The following SLC35F4 variants were observed in gnomAD, a reference collection of about 807,000 sequenced individuals.
SLC35F4 encodes the protein solute carrier family 35 member F4.
In SLC35F4, 24 loss-of-function variants were observed where a neutral mutation model predicts 44.2. The ratio of observed to expected loss-of-function variants is 0.54; its 90% CI spans 0.39 to 0.76. SLC35F4 has a LOEUF of 0.76. Ranked by LOEUF, SLC35F4 falls within the 30% of genes least tolerant of loss-of-function variation. The pLI, the probability that SLC35F4 is intolerant of heterozygous loss-of-function variation, is 0.00. For synonymous variants in SLC35F4, 238 were observed against 223.6 expected (o/e 1.06, Z -0.57); for missense variants, 562 against 586.1 (o/e 0.96, Z 0.42).
At chr14:57,865,658 C>T (rs1171580072) in intron 1 of SLC35F4, 65 bp downstream of exon 1, 28 of 1,379,594 alleles carry the variant, frequency 2.0e-5, no homozygotes, top group South Asian at 4.0e-5. Flanking sequence ...TCCGCATCCC[C>T]GCGGCACCCC....
intron 6 of SLC35F4, among the ~76,000 whole-genome samples, chr14:57,568,679 G>T (rs891961781): frequency 1.3e-5 from 2 of 152,220 alleles, no homozygotes; most frequent in East Asian, 1.9e-4. Flanking sequence ...ACTCTTGCAG[G>T]GATGAAAATA....
intron 1 of SLC35F4, among the ~76,000 whole-genome samples, chr14:57,848,888 C>T (rs56290990): frequency 0.16 from 24,135 of 152,060 alleles, 2,232 homozygotes; most frequent in African/African-American, 0.24. Flanking sequence ...ATATTGTCCC[C>T]GTGGAACTTG....
At chr14:57,940,106 G>T (rs948317036) in intron 1 of SLC35F4, among the ~76,000 whole-genome samples, 1 of 152,150 alleles carries the variant, frequency 6.6e-6, no homozygotes, top group Admixed American at 6.6e-5. Flanking sequence ...GCTCAGCAAG[G>T]CTCTCATTTT....
chr14:57,647,424 A>G (rs2073582130), intron 1 of SLC35F4, among the ~76,000 whole-genome samples: 1 of 151,638 alleles, frequency 6.6e-6, no homozygotes, highest in Non-Finnish European at 1.5e-5. Flanking sequence ...AAGTCTAACA[A>G]CCTTCAAAAT....
At chr14:57,841,639 G>C (rs1219595639) in intron 1 of SLC35F4, among the ~76,000 whole-genome samples, 1 of 152,178 alleles carries the variant, frequency 6.6e-6, no homozygotes. Context: ...GTGCCCTAAA[G>C]GTAGAGAACT....
chr14:57,666,295 T>C (rs1457386175), intron 1 of SLC35F4, among the ~76,000 whole-genome samples: 1 of 152,194 alleles, frequency 6.6e-6, no homozygotes, highest in East Asian at 1.9e-4. Flanking sequence ...AATCAAATAC[T>C]ATCCAGTTTT....
At chr14:57,715,004 G>C (rs1460861856) in intron 1 of SLC35F4, among the ~76,000 whole-genome samples, 1 of 152,170 alleles carries the variant, frequency 6.6e-6, no homozygotes, top group African/African-American at 2.4e-5. Flanking sequence ...AGGAGTCAAA[G>C]ACTGAGTAGA....
At chr14:57,939,888 T>C (rs1481614701) in intron 1 of SLC35F4, among the ~76,000 whole-genome samples, 1 of 152,224 alleles carries the variant, frequency 6.6e-6, no homozygotes, top group Non-Finnish European at 1.5e-5. Flanking sequence ...TGCTTAGCAA[T>C]GTGCTTCCTG....
At chr14:57,877,192 T>C (rs1888416233) in intron 1 of SLC35F4, among the ~76,000 whole-genome samples, 1 of 152,184 alleles carries the variant, frequency 6.6e-6, no homozygotes, top group Non-Finnish European at 1.5e-5. Flanking sequence ...CCATTGTCTA[T>C]TGTTCTCTTC....
chr14:57,662,235 T>C (rs565370515), intron 1 of SLC35F4, among the ~76,000 whole-genome samples: 117 of 152,258 alleles, frequency 7.7e-4, no homozygotes, highest in Non-Finnish European at 1.5e-3. Context: ...CTAATTATTA[T>C]GGAATGTATT....
intron 1 of SLC35F4, among the ~76,000 whole-genome samples, chr14:57,894,873 T>C (rs1888840814): frequency 1.3e-5 from 2 of 152,146 alleles, no homozygotes; most frequent in South Asian, 2.1e-4. Flanking sequence ...TAGACAAACT[T>C]ACACAGCATC....
intron 1 of SLC35F4, among the ~76,000 whole-genome samples, chr14:57,905,348 C>G (rs1171179199): frequency 3.3e-5 from 5 of 152,200 alleles, no homozygotes; most frequent in African/African-American, 1.2e-4. Context: ...CTTATATGAT[C>G]TAGCCTCAGA....
At chr14:57,727,312 A>G (rs1421072261) in intron 1 of SLC35F4, among the ~76,000 whole-genome samples, 1 of 151,640 alleles carries the variant, frequency 6.6e-6, no homozygotes. Context: ...ATTTTTTGTT[A>G]GACTGGCTAA....
At chr14:57,678,096 G>C (rs758914664) in intron 1 of SLC35F4, among the ~76,000 whole-genome samples, 1 of 151,954 alleles carries the variant, frequency 6.6e-6, no homozygotes, top group East Asian at 1.9e-4. Flanking sequence ...TTGAAATGAA[G>C]GAAAAAATGT....
chr14:57,878,755 G>T (rs1161312512), intron 1 of SLC35F4, among the ~76,000 whole-genome samples: 1 of 151,786 alleles, frequency 6.6e-6, no homozygotes, highest in Admixed American at 6.6e-5. Context: ...GTTCACTATT[G>T]TATTCCCAAC....
At chr14:57,619,686 T>A (rs2072066299) in intron 1 of SLC35F4, among the ~76,000 whole-genome samples, 1 of 152,078 alleles carries the variant, frequency 6.6e-6, no homozygotes, top group Admixed American at 6.5e-5. Context: ...GAACGTAGAA[T>A]GAGTTTGACA....
At chr14:57,925,727 C>G (rs1889556965) in intron 1 of SLC35F4, among the ~76,000 whole-genome samples, 1 of 151,288 alleles carries the variant, frequency 6.6e-6, no homozygotes, top group Non-Finnish European at 1.5e-5. Flanking sequence ...AGTGTATAGA[C>G]ATACCTGAGT....
At chr14:57,735,249 C>T (rs898670162) in intron 1 of SLC35F4, among the ~76,000 whole-genome samples, 2 of 152,154 alleles carry the variant, frequency 1.3e-5, no homozygotes, top group African/African-American at 2.4e-5. Context: ...GTAAAGCTAA[C>T]CCTATTTTAA....
intron 1 of SLC35F4, among the ~76,000 whole-genome samples, chr14:57,864,892 G>A (rs1252006166): frequency 6.6e-6 from 1 of 152,220 alleles, no homozygotes; most frequent in Non-Finnish European, 1.5e-5. Context: ...GTGGGTTTGT[G>A]TACTGGGGGA....
Sources: allele counts gnomAD v4.1 joint callset (sites outside exome capture counted in the v4.1 genomes callset), GRCh38; gene constraint gnomAD v4.1.1; transcripts MANE v1.5; gene names NCBI Gene and HGNC (gene_info 2026-07-23, HGNC 2026-07-21).